The following CHMP7 variants were observed in gnomAD, a reference collection of about 807,000 sequenced individuals.
CHMP7 encodes charged multivesicular body protein 7, also known as CHMP family, member 7.
Under a neutral mutation model 53.7 loss-of-function variants are expected in CHMP7, and 15 were observed. The observed-to-expected ratio is 0.28, with a 90% confidence interval of 0.19 to 0.43. The LOEUF (loss-of-function observed/expected upper bound fraction) is 0.43, where lower values mean the gene tolerates loss of function less well. Ranked by LOEUF, CHMP7 falls within the 20% of genes least tolerant of loss-of-function variation. The pLI is 1.00. For synonymous variants in CHMP7, 261 were observed against 228.0 expected (o/e 1.14, Z -1.30); for missense variants, 527 against 569.4 (o/e 0.93, Z 0.76).
chr8:23,258,257 C>T, intron 6 of CHMP7, 73 bp from the exon 7 acceptor site: 2 of 1,596,384 alleles, frequency 1.3e-6, no homozygotes, highest in South Asian at 1.1e-5. Flanking sequence ...TCCTTAGCGT[C>T]TGGGAAGGGC....
chr8:23,253,618 A>G (rs535876262), intron 3 of CHMP7, among the ~76,000 whole-genome samples: 1 of 152,300 alleles, frequency 6.6e-6, no homozygotes, highest in Non-Finnish European at 1.5e-5. Context: ...CATCATAACC[A>G]AGATGGGATA....
At chr8:23,258,509 C>A in intron 7 of CHMP7, 60 bp downstream of exon 7, 1 of 1,600,382 alleles carries the variant, frequency 6.2e-7, no homozygotes, top group South Asian at 1.1e-5. Flanking sequence ...TGGTCACTTG[C>A]AGCTTCGGCT....
rs61323045 is a variant in CHMP7, at chr8:23,244,326, G to A, written c.-441+482G>A. 8.4e-3 allele frequency among the ~76,000 whole-genome samples: 1,272 copies of A among 152,266 alleles called. 20 individuals carry two copies. Among genetic ancestry groups the A allele is most frequent in the African/African-American group, 0.029 (1,206 of 41,534 alleles). ...ATTTGAGCTGGCTTTTGTGAATGGTGTAAGATCTGTACCTGGATTTGTTTT... is the reference window on the plus strand; with the variant it reads ...ATTTGAGCTGGCTTTTGTGAATGGTATAAGATCTGTACCTGGATTTGTTTT... On this transcript the variant is annotated intron_variant, in intron 1 of 10. Coordinates refer to ENST00000397677, the MANE Select transcript of CHMP7 (RefSeq NM_152272.5).
At chr8:23,254,301 G>T (rs1401945246) in intron 3 of CHMP7, among the ~76,000 whole-genome samples, 1 of 151,902 alleles carries the variant, frequency 6.6e-6, no homozygotes, top group East Asian at 1.9e-4. Flanking sequence ...ATGTATGAGC[G>T]AAATGGTGAC....
chr8:23,246,469 G>A lies in CHMP7; in HGVS notation c.-227G>A, dbSNP rs1245357554. On this transcript the variant is annotated 5_prime_UTR_variant, in exon 2 of 11. Coordinates refer to ENST00000397677, the MANE Select transcript of CHMP7 (RefSeq NM_152272.5). ...ACCGTGGGAGGAGGGGTCGGCGCAAGCGCTCGGTGTCTCTCTGAAAAGAAC... is the reference window on the plus strand; with the variant it reads ...ACCGTGGGAGGAGGGGTCGGCGCAAACGCTCGGTGTCTCTCTGAAAAGAAC... 2 of 561,034 alleles carry A rather than the reference G, an allele frequency of 3.6e-6. No homozygotes were observed. Among genetic ancestry groups the A allele is most frequent in the African/African-American group, 3.8e-5 (2 of 52,566 alleles). 34.8% of individuals were successfully genotyped at this position (561,034 alleles called of 1,614,324 possible).
In CHMP7 at chr8:23,260,700, G is replaced by A; in HGVS notation, c.*101G>A. The A allele has an allele frequency of 1.1e-6, 1 of 925,272 alleles. No individual in the cohort carries two copies. Among genetic ancestry groups the A allele is most frequent in the Non-Finnish European group, 1.8e-6 (1 of 565,578 alleles). 57.3% of individuals were successfully genotyped at this position (925,272 alleles called of 1,614,324 possible). A position where few individuals can be genotyped will look rare whatever the true frequency, so the allele number is the denominator to read the frequency against. ...AACTCTCAGAATGTGTTTGGAAGAG[G>A]AGAAAGGAGAACCACTGATTTTATC... On this transcript the variant is annotated 3_prime_UTR_variant, in exon 11 of 11. Transcript: ENST00000397677.
In CHMP7 at chr8:23,258,795, G is replaced by T; in HGVS notation, c.1024G>T (p.Glu342Ter). ...LKLSMKDVTV[E>*]KAESLVDQIQ... ...ACTCTCCATGAAGGATGTCACAGTG[G>T]AGAAGGCAGAGAGCCTCGTGGATCA... is the stretch of plus-strand genomic sequence containing the variant. The change falls in exon 8 of 11, where the codon GAG becomes TAG. Residue 342 changes from glutamate (E) to a stop codon, truncating the protein, a stop_gained. Coordinates refer to ENST00000397677, the MANE Select transcript of CHMP7 (RefSeq NM_152272.5). LOFTEE classifies it high-confidence loss of function. 1 of 1,613,522 alleles carries T rather than the reference G, an allele frequency of 6.2e-7. No individual in the cohort carries two copies. The highest frequency in any genetic ancestry group is 8.5e-7 in the Non-Finnish European group (1 of 1,179,580).
intron 4 of CHMP7, 70 bp from the exon 5 acceptor site, chr8:23,256,390 C>A (rs935981005): frequency 4.8e-6 from 5 of 1,049,940 alleles, no homozygotes. Flanking sequence ...ATGCCCACCA[C>A]CAGCGCTCCT....
At position 23,259,142 on chromosome 8, in the gene CHMP7, G is replaced by A; in HGVS notation, c.1120+16G>A. 1.6e-6 allele frequency: 2 copies of A among 1,279,686 alleles called. No homozygotes were observed. Among genetic ancestry groups the A allele is most frequent in the Non-Finnish European group, 2.2e-6 (2 of 905,038 alleles). The allele number at this position is 1,279,686 out of a possible 1,614,324, so 79.3% of individuals were successfully genotyped here. A position where few individuals can be genotyped will look rare whatever the true frequency, so the allele number is the denominator to read the frequency against. On this transcript the variant is annotated intron_variant, in intron 9 of 10. Coordinates refer to ENST00000397677, the MANE Select transcript of CHMP7 (RefSeq NM_152272.5). The stretch of plus-strand genomic sequence containing the variant: ...AATGGCTTAGGTGAGTGGACAAGGT[G>A]GTTATTTTTATTTTTATTCATTTTT...
chr8:23,257,886 G>A (rs945818596), intron 5 of CHMP7, 147 bp from the exon 6 acceptor site: 10 of 639,546 alleles, frequency 1.6e-5, no homozygotes, highest in Admixed American at 5.4e-5. Flanking sequence ...AGTTTTTGCC[G>A]TCAGCATCAG....
At chr8:23,245,549 T>G (rs1457442995) in intron 1 of CHMP7, among the ~76,000 whole-genome samples, 1 of 152,258 alleles carries the variant, frequency 6.6e-6, no homozygotes, top group Non-Finnish European at 1.5e-5. Flanking sequence ...GATTTTTGCA[T>G]CTATATTCAC....
intron 1 of CHMP7, among the ~76,000 whole-genome samples, chr8:23,244,127 A>G (rs1219407403): frequency 6.6e-6 from 1 of 152,092 alleles, no homozygotes; most frequent in South Asian, 2.1e-4. Flanking sequence ...AGTGTCTTTC[A>G]GAAAGCAAAT....
rs190885564 is a variant in CHMP7, at chr8:23,256,361, G to T, written c.658-99G>T. On this transcript the variant is annotated intron_variant, in intron 4 of 10. Transcript: ENST00000397677. ...CTGGAACATATCCCCCATGGATAAG[G>T]GGGGCCTGCTGTTCTCACATGCCCA... 51 of 780,938 alleles carry T rather than the reference G, an allele frequency of 6.5e-5. No individual in the cohort carries two copies. In the African/African-American group the frequency reaches 7.8e-4, roughly 12 times the overall value. 48.4% of individuals were successfully genotyped at this position (780,938 alleles called of 1,614,324 possible).
chr8:23,257,658 G>A (rs1203393968), intron 5 of CHMP7, among the ~76,000 whole-genome samples: 2 of 152,236 alleles, frequency 1.3e-5, no homozygotes, highest in Admixed American at 1.3e-4. Context: ...AGACATTGAA[G>A]TCTGTCTTCC....
chr8:23,257,013 G>A (rs1296923247), intron 5 of CHMP7, among the ~76,000 whole-genome samples: 1 of 151,182 alleles, frequency 6.6e-6, no homozygotes, highest in African/African-American at 2.4e-5. Flanking sequence ...AGGATGGTCT[G>A]AATCTCCTGA....
At chr8:23,245,692 A>G (rs7464232) in intron 1 of CHMP7, among the ~76,000 whole-genome samples, 110,458 of 152,060 alleles carry the variant, frequency 0.73, 42,615 homozygotes, top group South Asian at 0.93. Context: ...GATGGCACAG[A>G]ACTGGTACAA....
At chr8:23,245,017 G>A (rs948902839) in intron 1 of CHMP7, among the ~76,000 whole-genome samples, 1 of 152,102 alleles carries the variant, frequency 6.6e-6, no homozygotes, top group Non-Finnish European at 1.5e-5. Flanking sequence ...TTAGTTCCAG[G>A]ACATCGATTT....
intron 5 of CHMP7, 33 bp downstream of exon 5, chr8:23,256,626 C>A: frequency 6.2e-7 from 1 of 1,601,110 alleles, no homozygotes; most frequent in Non-Finnish European, 8.5e-7. Context: ...GCCTCCTCCC[C>A]ACTGTTGCTG....
rs368674160 is a variant in CHMP7 at position 23,245,515 on chromosome 8, T to C, written c.-440-741T>C. Among the ~76,000 whole-genome samples, 14 of 152,392 alleles carry C rather than the reference T, an allele frequency of 9.2e-5. No individual in the cohort carries two copies. In the East Asian group the frequency reaches 2.7e-3, roughly 29 times the overall value. ...CAATTCTTTTGATACATTGTGGGTT[T>C]CAATTTGCTAACATTCTATTGATGA... On this transcript the variant is annotated intron_variant, in intron 1 of 10. Transcript: ENST00000397677.
Sources: allele counts gnomAD v4.1 joint callset (sites outside exome capture counted in the v4.1 genomes callset), GRCh38; gene constraint gnomAD v4.1.1; transcripts MANE v1.5; gene names NCBI Gene and HGNC (gene_info 2026-07-23, HGNC 2026-07-21).